GYPB: variants seen among roughly 807,000 people sequenced by gnomAD.
The protein encoded by GYPB is glycophorin B (MNS blood group).
A neutral mutation model predicts 15.3 loss-of-function variants in GYPB; 13 were observed. The ratio of observed to expected loss-of-function variants is 0.85; its 90% CI spans 0.55 to 1.35. The LOEUF is 1.35. Ranked by LOEUF, GYPB falls within the 40% of genes most tolerant of loss-of-function variation. The pLI, the probability that GYPB is intolerant of heterozygous loss-of-function variation, is 0.00. For missense variants in GYPB, 131 were observed against 108.3 expected (o/e 1.21, Z -0.93); for synonymous variants, 38 against 36.9 (o/e 1.03, Z -0.11).
At chr4:144,000,865 T>G (rs1475200728) in intron 2 of GYPB, among the ~76,000 whole-genome samples, 1 of 151,230 alleles carries the variant, frequency 6.6e-6, no homozygotes, top group Admixed American at 6.6e-5. Flanking sequence ...TGAGCTGAAC[T>G]CATTTTGCCC....
rs1579047336 is a variant in GYPB at position 143,999,360 on chromosome 4, T to A, written c.175+51A>T. The A allele has an allele frequency of 7.4e-6, 7 of 950,622 alleles. No individual in the cohort carries two copies. In the South Asian group the frequency reaches 9.7e-5, roughly 13 times the overall value. 58.9% of individuals were successfully genotyped at this position (950,622 alleles called of 1,614,324 possible). A position where few individuals can be genotyped will look rare whatever the true frequency, so the allele number is the denominator to read the frequency against. ...TTTCTTAGGCATTTGAAACAAGCAA[T>A]GGATAGTTTAAAATGGAATGACTTT... On this transcript the variant is annotated intron_variant, in intron 3 of 4. Coordinates refer to ENST00000502664, the MANE Select transcript of GYPB (RefSeq NM_002100.6).
intron 1 of GYPB, among the ~76,000 whole-genome samples, chr4:144,016,099 A>T (rs1337729656): frequency 7.2e-6 from 1 of 139,038 alleles, no homozygotes; most frequent in Non-Finnish European, 1.5e-5. Flanking sequence ...TTCCTGTACC[A>T]ATTAAATAGA....
At chr4:144,017,728 A>G (rs1728580854) in intron 1 of GYPB, among the ~76,000 whole-genome samples, 1 of 151,396 alleles carries the variant, frequency 6.6e-6, no homozygotes, top group African/African-American at 2.5e-5. Context: ...CGCAGTGTCT[A>G]ATTTTGTTTG....
At chr4:143,997,885 G>A (rs1727410255) in intron 3 of GYPB, among the ~76,000 whole-genome samples, 1 of 151,270 alleles carries the variant, frequency 6.6e-6, no homozygotes, top group Non-Finnish European at 1.5e-5. Flanking sequence ...AAGACCTGAG[G>A]CTTCTGATTC....
intron 1 of GYPB, among the ~76,000 whole-genome samples, chr4:144,013,266 A>T (rs1224817282): frequency 6.6e-6 from 1 of 150,924 alleles, no homozygotes; most frequent in East Asian, 1.9e-4. Context: ...AAGTCAGGAA[A>T]CAACAGGTGC....
At chr4:144,007,920 A>G (rs2667319) in intron 1 of GYPB, among the ~76,000 whole-genome samples, 5 of 151,460 alleles carry the variant, frequency 3.3e-5, no homozygotes, top group Non-Finnish European at 7.3e-5. Flanking sequence ...CTATAGGTGC[A>G]CACCACCATG....
intron 4 of GYPB, among the ~76,000 whole-genome samples, chr4:143,996,908 T>G (rs1260721010): frequency 1.3e-5 from 2 of 151,146 alleles, no homozygotes; most frequent in African/African-American, 4.9e-5. Flanking sequence ...TTTTATTTAT[T>G]TATTTATATA....
rs1233217956 is a variant in GYPB at position 144,002,645 on chromosome 4, T to G, written c.38-1362A>C. On this transcript the variant is annotated intron_variant, in intron 1 of 4. Transcript: ENST00000502664. Reference sequence around the variant, plus strand: ...GCAGTGGAGTGGAGGTGGAAGGGCTTCTTCTCAGAGGCAGCCAACTTGGCC... The same window carrying G: ...GCAGTGGAGTGGAGGTGGAAGGGCTGCTTCTCAGAGGCAGCCAACTTGGCC... 1.6e-6 allele frequency: 2 copies of G among 1,285,120 alleles called. 1 individual carries two copies. Among genetic ancestry groups the G allele is most frequent in the Admixed American group, 4.6e-5 (2 of 43,520 alleles). The allele number at this position is 1,285,120 out of a possible 1,614,324, so 79.6% of individuals were successfully genotyped here. A position where few individuals can be genotyped will look rare whatever the true frequency, so the allele number is the denominator to read the frequency against.
intron 1 of GYPB, among the ~76,000 whole-genome samples, chr4:144,002,214 A>G (rs4835492): frequency 0.073 from 10,991 of 151,344 alleles, 1,425 homozygotes; most frequent in African/African-American, 0.21. Flanking sequence ...CACAAAGTAT[A>G]ATATAAAATT....
At chr4:143,996,898 T>TTTTA (rs991767752) in intron 4 of GYPB, among the ~76,000 whole-genome samples, 9 of 151,204 alleles carry the variant, frequency 6.0e-5, no homozygotes, top group East Asian at 1.9e-4. Flanking sequence ...TTTATTTTAT[T>TTTTA]TTTATTTATT....
intron 1 of GYPB, among the ~76,000 whole-genome samples, chr4:144,003,247 A>C (rs1560707665): frequency 6.6e-6 from 1 of 151,454 alleles, no homozygotes; most frequent in Non-Finnish European, 1.5e-5. Context: ...GGTTTGAAGC[A>C]GTTTTTTATT....
Position 144,011,466 on chromosome 4 carries a change from C to A in GYPB, c.37+7785G>T, listed in dbSNP as rs371684679. Among the ~76,000 whole-genome samples the A allele has an allele frequency of 9.9e-5, 15 of 151,174 alleles. No individual in the cohort carries two copies. In the East Asian group the frequency reaches 1.2e-3, roughly 12 times the overall value. On this transcript the variant is annotated intron_variant, in intron 1 of 4. Transcript: ENST00000502664. Reference sequence around the variant, plus strand: ...AGTAGAATTAAGAGAAAAGACATTACAAACAGTGAAAAAGATTTACTTGTG... The same window carrying A: ...AGTAGAATTAAGAGAAAAGACATTAAAAACAGTGAAAAAGATTTACTTGTG...
chr4:143,996,359 A>G (rs1406526097), intron 4 of GYPB, 55 bp from the exon 5 acceptor site: 4 of 1,549,724 alleles, frequency 2.6e-6, no homozygotes, highest in Non-Finnish European at 2.6e-6. Flanking sequence ...CCATGAGCTA[A>G]GACTCCACTT....
intron 1 of GYPB, among the ~76,000 whole-genome samples, chr4:144,004,897 A>G (rs1413108036): frequency 6.6e-6 from 1 of 151,718 alleles, no homozygotes; most frequent in Non-Finnish European, 1.5e-5. Context: ...ATAGCTATAT[A>G]CTATTTAGTT....
In GYPB at chr4:144,001,182, A is replaced by G; in HGVS notation, c.136+3T>C. On this transcript the variant is annotated splice_donor_region_variant and intron_variant, in intron 2 of 4. Coordinates refer to ENST00000502664, the MANE Select transcript of GYPB (RefSeq NM_002100.6). ...CAATTTAAAAATAAAAATGAAAACA[A>G]ACCATTTGTCTGTGATGAGATGTAA... is the stretch of plus-strand genomic sequence containing the variant. 6.2e-7 allele frequency: 1 copy of G among 1,612,882 alleles called. No individual in the cohort carries two copies. Among genetic ancestry groups the G allele is most frequent in the Non-Finnish European group, 8.5e-7 (1 of 1,179,806 alleles).
chr4:143,998,814 G>C (rs911406985), intron 3 of GYPB, among the ~76,000 whole-genome samples: 6 of 145,358 alleles, frequency 4.1e-5, no homozygotes, highest in South Asian at 2.3e-4. Flanking sequence ...AGTACTCAGG[G>C]TTGGTTAGAA....
chr4:144,000,906 T>A (rs574198403), intron 2 of GYPB, among the ~76,000 whole-genome samples: 2 of 151,278 alleles, frequency 1.3e-5, no homozygotes, highest in African/African-American at 4.9e-5. Flanking sequence ...CACTATTAGG[T>A]CCCCTTTATC....
chr4:144,009,601 C>CTTTTTTTTTTTTTTTTTTTTTTTTTTTT (rs55807150), intron 1 of GYPB, among the ~76,000 whole-genome samples: 1 of 57,804 alleles, frequency 1.7e-5, no homozygotes, highest in Non-Finnish European at 2.8e-5. Context: ...TTTTTTCTTT[C>CTTTTTTTTTTTTTTTTTTTTTTTTTTTT]TTTTTTTTTT....
intron 2 of GYPB, chr4:144,000,401 G>A: frequency 1.8e-6 from 2 of 1,094,354 alleles, no homozygotes; most frequent in Non-Finnish European, 2.3e-6. Context: ...TTTTCTGGAG[G>A]GGAAACAGTT....
Sources: allele counts gnomAD v4.1 joint callset (sites outside exome capture counted in the v4.1 genomes callset), GRCh38; gene constraint gnomAD v4.1.1; transcripts MANE v1.5; gene names NCBI Gene and HGNC (gene_info 2026-07-23, HGNC 2026-07-21).